The following CACNA2D3 variants were observed in gnomAD, a reference collection of about 807,000 sequenced individuals.
CACNA2D3 encodes voltage-dependent calcium channel subunit alpha-2/delta-3.
Under a neutral mutation model 160.6 loss-of-function variants are expected in CACNA2D3, and 60 were observed. That is an observed-to-expected ratio of 0.37 (90% CI 0.30 to 0.46). The LOEUF is 0.46. Among genes scored for constraint, CACNA2D3 ranks in the 20% least tolerant of loss-of-function variants. CACNA2D3 has a pLI of 1.00. For synonymous variants in CACNA2D3, 558 were observed against 492.9 expected, an observed-to-expected ratio of 1.13 and a Z score of -1.75; for missense variants, 1,205 against 1,365.0, an observed-to-expected ratio of 0.88 and a Z score of 1.85.
At chr3:54,142,602 T>C (rs541066178) in intron 2 of CACNA2D3, among the ~76,000 whole-genome samples, 2 of 152,164 alleles carry the variant, frequency 1.3e-5, no homozygotes, top group East Asian at 3.9e-4. Flanking sequence ...GTGATGATGA[T>C]GATGATGATG....
chr3:54,501,063 A>G (rs371176696), intron 4 of CACNA2D3, among the ~76,000 whole-genome samples: 166 of 152,302 alleles, frequency 1.1e-3, no homozygotes, highest in African/African-American at 3.9e-3. Context: ...GGTAGAAGAT[A>G]GAATGGAAAA....
At chr3:54,319,747 A>G (rs59294636) in intron 2 of CACNA2D3, among the ~76,000 whole-genome samples, 480 of 152,300 alleles carry the variant, frequency 3.2e-3, no homozygotes, top group African/African-American at 0.011. Context: ...AAAACCAAGA[A>G]ATTCAAAAAG....
At chr3:54,701,439 CA>C (rs1327385351) in intron 11 of CACNA2D3, among the ~76,000 whole-genome samples, 10 of 152,270 alleles carry the variant, frequency 6.6e-5, no homozygotes, top group African/African-American at 2.4e-4. Context: ...CTCCTGTTCA[CA>C]AGGATGTGCT....
At chr3:54,271,515 A>G (rs569477688) in intron 2 of CACNA2D3, among the ~76,000 whole-genome samples, 1 of 152,364 alleles carries the variant, frequency 6.6e-6, no homozygotes, top group South Asian at 2.1e-4. Context: ...AGACATCTAT[A>G]GAAGAGCCAG....
intron 11 of CACNA2D3, among the ~76,000 whole-genome samples, chr3:54,711,408 C>T (rs1700949457): frequency 6.6e-6 from 1 of 152,230 alleles, no homozygotes; most frequent in South Asian, 2.1e-4. Flanking sequence ...GCGATACTCT[C>T]TGCCATTCTT....
intron 5 of CACNA2D3, among the ~76,000 whole-genome samples, chr3:54,540,055 G>A (rs1195612412): frequency 6.6e-6 from 1 of 152,192 alleles, no homozygotes; most frequent in East Asian, 1.9e-4. Flanking sequence ...CTTCCCAAGT[G>A]AATTTCTGCA....
chr3:54,132,373 T>C (rs2107255032), intron 2 of CACNA2D3, among the ~76,000 whole-genome samples: 1 of 152,386 alleles, frequency 6.6e-6, no homozygotes, highest in Non-Finnish European at 1.5e-5. Context: ...ATGTGTTTTA[T>C]ATACATGGGT....
chr3:54,811,181 G>C (rs1433082603), intron 13 of CACNA2D3, among the ~76,000 whole-genome samples: 1 of 152,170 alleles, frequency 6.6e-6, no homozygotes, highest in Non-Finnish European at 1.5e-5. Flanking sequence ...AATCCTAAGA[G>C]ACATCTTGAA....
chr3:54,529,648 C>T (rs554150847), intron 5 of CACNA2D3, among the ~76,000 whole-genome samples: 13 of 152,152 alleles, frequency 8.5e-5, no homozygotes, highest in African/African-American at 2.9e-4. Context: ...GTGGACTGCT[C>T]GGAGGCTGGC....
chr3:54,270,168 C>G (rs544265215), intron 2 of CACNA2D3, among the ~76,000 whole-genome samples: 1 of 152,214 alleles, frequency 6.6e-6, no homozygotes, highest in Non-Finnish European at 1.5e-5. Flanking sequence ...GTTAAAGCAG[C>G]CTTTAGCAAA....
chr3:54,987,900 G>A (rs1005462975), intron 31 of CACNA2D3, 147 bp downstream of exon 31: 23 of 587,668 alleles, frequency 3.9e-5, no homozygotes, highest in African/African-American at 5.6e-5. Flanking sequence ...TCTGAAATTC[G>A]ATGCCTCTTG....
rs572405742 is a variant in CACNA2D3, at chr3:54,968,809, A to G, written c.2511+298A>G. On this transcript the variant is annotated intron_variant, in intron 28 of 37. Transcript: ENST00000474759. ...TATTGGGGCCTTTTGTGAGATTTTC[A>G]TTCTGACTTTCTCCTAATCCTGTGG... Among the ~76,000 whole-genome samples, 12 of 152,300 alleles carry G rather than the reference A, an allele frequency of 7.9e-5. No homozygotes were observed. The South Asian group carries it at 2.5e-3, about 32-fold the overall frequency.
At chr3:54,872,030 G>T (rs1482684374) in intron 18 of CACNA2D3, among the ~76,000 whole-genome samples, 1 of 152,210 alleles carries the variant, frequency 6.6e-6, no homozygotes, top group Non-Finnish European at 1.5e-5. Flanking sequence ...TGGGCAGCAA[G>T]AATTCACCTG....
At chr3:54,303,234 A>G (rs1703519908) in intron 2 of CACNA2D3, among the ~76,000 whole-genome samples, 1 of 152,118 alleles carries the variant, frequency 6.6e-6, no homozygotes, top group Non-Finnish European at 1.5e-5. Flanking sequence ...TAGTCCTACC[A>G]CTCAGCATAG....
chr3:55,069,869 T>C (rs1704759511), intron 35 of CACNA2D3, among the ~76,000 whole-genome samples: 1 of 152,252 alleles, frequency 6.6e-6, no homozygotes, highest in Admixed American at 6.5e-5. Flanking sequence ...CACCAAAAAA[T>C]GTTGAAAATG....
chr3:54,822,786 CT>C (rs1175540649), intron 14 of CACNA2D3, among the ~76,000 whole-genome samples: 2 of 71,708 alleles, frequency 2.8e-5, no homozygotes, highest in African/African-American at 5.9e-5. Context: ...TTCTTTCTTT[CT>C]TTCCTTTCTT....
At chr3:54,669,102 C>G (rs1409493692) in intron 11 of CACNA2D3, among the ~76,000 whole-genome samples, 4 of 152,212 alleles carry the variant, frequency 2.6e-5, no homozygotes, top group African/African-American at 9.6e-5. Flanking sequence ...GTGAACTCCA[C>G]AACTGAAGAG....
At chr3:54,719,820 A>G (rs1054502170) in intron 11 of CACNA2D3, among the ~76,000 whole-genome samples, 6 of 152,156 alleles carry the variant, frequency 3.9e-5, no homozygotes, top group Non-Finnish European at 7.4e-5. Flanking sequence ...AATCACTTTA[A>G]TAGATGGAAG....
chr3:54,612,476 C>G (rs1269216165), intron 9 of CACNA2D3, among the ~76,000 whole-genome samples: 1 of 152,168 alleles, frequency 6.6e-6, no homozygotes, highest in Non-Finnish European at 1.5e-5. Flanking sequence ...CGTGGAAGGC[C>G]TGAACCCCAA....
Sources: allele counts gnomAD v4.1 joint callset (sites outside exome capture counted in the v4.1 genomes callset), GRCh38; gene constraint gnomAD v4.1.1; transcripts MANE v1.5; gene names NCBI Gene and HGNC (gene_info 2026-07-23, HGNC 2026-07-21).